Variants in SCAPER observed in about 807,000 individuals in gnomAD.
SCAPER encodes S phase cyclin A-associated protein in the endoplasmic reticulum.
A neutral mutation model predicts 182.2 loss-of-function variants in SCAPER; 98 were observed. That is an observed-to-expected ratio of 0.54 (90% CI 0.46 to 0.64). SCAPER has a LOEUF of 0.64. SCAPER is among the 30% of genes least tolerant of loss of function. SCAPER has a pLI of 0.00. For missense variants in SCAPER, 1,432 were observed against 1,690.0 expected (o/e 0.85, Z 2.68); for synonymous variants, 605 against 564.6 (o/e 1.07, Z -1.01).
At chr15:76,653,172 CT>C (rs1176130966) in intron 21 of SCAPER, among the ~76,000 whole-genome samples, 1 of 151,996 alleles carries the variant, frequency 6.6e-6, no homozygotes, top group Non-Finnish European at 1.5e-5. Flanking sequence ...AGGAGAAAGA[CT>C]TCTAAAAGAA....
intron 8 of SCAPER, among the ~76,000 whole-genome samples, chr15:76,785,944 G>T (rs193051657): frequency 5.1e-4 from 77 of 152,200 alleles, no homozygotes; most frequent in African/African-American, 1.8e-3. Context: ...GTTGATGGGT[G>T]CAGTACACCA....
chr15:76,595,493 C>A (rs1243517089), intron 22 of SCAPER, among the ~76,000 whole-genome samples: 1 of 121,582 alleles, frequency 8.2e-6, no homozygotes, highest in African/African-American at 2.5e-5. Flanking sequence ...CTCTCCACCC[C>A]AAATCAATAG....
chr15:76,562,148 CAA>C (rs66722088), intron 23 of SCAPER, among the ~76,000 whole-genome samples: 34 of 74,032 alleles, frequency 4.6e-4, no homozygotes, highest in Admixed American at 3.3e-3. Flanking sequence ...AACTTCATCT[CAA>C]AAAAAAAAAA....
intron 23 of SCAPER, among the ~76,000 whole-genome samples, chr15:76,534,523 G>A (rs1415078042): frequency 6.6e-6 from 1 of 152,182 alleles, no homozygotes; most frequent in Non-Finnish European, 1.5e-5. Context: ...TTAAATTAGA[G>A]CACAAATAGA....
intron 25 of SCAPER, among the ~76,000 whole-genome samples, chr15:76,451,046 G>A (rs1396235313): frequency 1.3e-5 from 2 of 152,152 alleles, no homozygotes; most frequent in African/African-American, 4.8e-5. Flanking sequence ...GTGGGCATAG[G>A]CAATCACTGA....
Position 76,515,146 on chromosome 15 carries a change from C to T in SCAPER, c.2839-10172G>A, listed in dbSNP as rs555658478. Among the ~76,000 whole-genome samples the T allele has an allele frequency of 2.0e-5, 3 of 152,308 alleles. No homozygotes were observed. The South Asian group carries it at 6.2e-4, about 32-fold the overall frequency. Reference sequence around the variant, plus strand: ...AAGTGGGGCTGAGAGGCTAGAAAAGCTTTCTCAGTATCAGAGGAACAATTC... The same window carrying T: ...AAGTGGGGCTGAGAGGCTAGAAAAGTTTTCTCAGTATCAGAGGAACAATTC... On this transcript the variant is annotated intron_variant, in intron 23 of 31. Coordinates refer to ENST00000563290, the MANE Select transcript of SCAPER (RefSeq NM_020843.4).
In SCAPER at chr15:76,766,914, T is replaced by C; in HGVS notation, c.1419+4A>G. 1.3e-6 allele frequency: 2 copies of C among 1,583,928 alleles called. No homozygotes were observed. The highest frequency in any genetic ancestry group is 1.7e-6 in the Non-Finnish European group (2 of 1,172,062). ...TAGTTATGTTAAAAAGTCTAAAAGC[T>C]CACAGAAAAATCACTGTCGTTGTCA... On this transcript the variant is annotated splice_donor_region_variant and intron_variant, in intron 11 of 31. Transcript: ENST00000563290.
chr15:76,889,830 A>G (rs2074067068), intron 1 of SCAPER, among the ~76,000 whole-genome samples: 1 of 152,172 alleles, frequency 6.6e-6, no homozygotes, highest in African/African-American at 2.4e-5. Flanking sequence ...CCTAATAGAC[A>G]TCTACAGAAC....
At chr15:76,757,379 C>G (rs1299411122) in intron 14 of SCAPER, among the ~76,000 whole-genome samples, 1 of 152,038 alleles carries the variant, frequency 6.6e-6, no homozygotes, top group African/African-American at 2.4e-5. Flanking sequence ...GCTTAATATC[C>G]TCTAGCTCCA....
intron 2 of SCAPER, among the ~76,000 whole-genome samples, chr15:76,873,307 AAGGAAGGAAGGAAGGAAGGAAGGAAGGC>A (rs2072884275): frequency 9.4e-6 from 1 of 106,202 alleles, no homozygotes; most frequent in African/African-American, 3.6e-5. Context: ...GGAAGGAAGG[AAGGAAGGAAGGAAGGAAGGAAGGAAGGC>A]AGGCAGGCAG....
chr15:76,873,781 A>G (rs2072955123), intron 2 of SCAPER, among the ~76,000 whole-genome samples: 1 of 152,236 alleles, frequency 6.6e-6, no homozygotes, highest in Non-Finnish European at 1.5e-5. Context: ...CAAACTGTCA[A>G]TATCCTTAGT....
At chr15:76,583,462 G>C (rs540278615) in intron 22 of SCAPER, among the ~76,000 whole-genome samples, 1 of 151,872 alleles carries the variant, frequency 6.6e-6, no homozygotes, top group Non-Finnish European at 1.5e-5. Context: ...GCAGAGGAAC[G>C]AATCAATAAA....
At chr15:76,721,799 T>G (rs1598367426) in intron 17 of SCAPER, among the ~76,000 whole-genome samples, 1 of 152,322 alleles carries the variant, frequency 6.6e-6, no homozygotes, top group South Asian at 2.1e-4. Context: ...TTTGCTGAAG[T>G]TGCTTATCAG....
At chr15:76,775,199 C>G (rs763861411) in intron 8 of SCAPER, 82 bp from the exon 9 acceptor site, 177 of 1,280,934 alleles carry the variant, frequency 1.4e-4, no homozygotes, top group Non-Finnish European at 1.7e-4. Context: ...AAAACATTTT[C>G]CAATTTAATT....
Position 76,462,344 on chromosome 15 carries a change from G to A in SCAPER, c.3078+8868C>T, listed in dbSNP as rs1425370679. On this transcript the variant is annotated intron_variant, in intron 25 of 31. Transcript: ENST00000563290. ...ATTTACATTTGTTGTCTGCAGGAGG[G>A]TCAGTCCGATAGGAGCTTATTCATC... 2.0e-5 allele frequency among the ~76,000 whole-genome samples: 3 copies of A among 152,132 alleles called. No homozygotes were observed. In the East Asian group the frequency reaches 5.8e-4, roughly 29 times the overall value.
chr15:76,887,180 G>A (rs1038465426), intron 1 of SCAPER, among the ~76,000 whole-genome samples: 2 of 152,164 alleles, frequency 1.3e-5, no homozygotes, highest in African/African-American at 4.8e-5. Flanking sequence ...GAAAGTCTGA[G>A]TCCGTTCCAA....
intron 5 of SCAPER, among the ~76,000 whole-genome samples, chr15:76,810,145 A>C (rs1455669549): frequency 1.3e-5 from 2 of 152,224 alleles, no homozygotes; most frequent in Non-Finnish European, 2.9e-5. Context: ...CTAAATAGCA[A>C]CATGAAAGCA....
Position 76,841,896 on chromosome 15 carries a change from C to G in SCAPER, c.231G>C (p.Thr77=). Residue 77 remains threonine, a synonymous_variant, in exon 5 of 32, where the codon ACG becomes ACC. Transcript: ENST00000563290. ...TAVDCKITSS[T]TGDKHFDKSP... ...TTTTATCAAAGTGTTTATCTCCAGT[C>G]GTAGACGATGTTATTTTACAGTCCA... 2 of 1,613,712 alleles carry G rather than the reference C, an allele frequency of 1.2e-6. No individual in the cohort carries two copies. Among genetic ancestry groups the G allele is most frequent in the South Asian group, 2.2e-5 (2 of 91,070 alleles).
intron 25 of SCAPER, among the ~76,000 whole-genome samples, chr15:76,457,654 G>A (rs2048838051): frequency 6.6e-6 from 1 of 152,092 alleles, no homozygotes; most frequent in Non-Finnish European, 1.5e-5. Flanking sequence ...AAGCTTGTAA[G>A]CTCATGGGTT....
Sources: gnomAD v4.1 joint callset for allele counts (sites outside exome capture counted in the v4.1 genomes callset) on GRCh38, gnomAD v4.1.1 for gene constraint, MANE v1.5 for transcripts, NCBI Gene and HGNC (gene_info 2026-07-23, HGNC 2026-07-21) for gene names.